The following CUBN variants were observed in gnomAD, a reference collection of about 807,000 sequenced individuals.
The protein encoded by CUBN is 460 kDa receptor.
CUBN carries 282 observed loss-of-function variants against 405.3 expected under a neutral mutation model. That is an observed-to-expected ratio of 0.70 (90% CI 0.63 to 0.77). The LOEUF (loss-of-function observed/expected upper bound fraction) is 0.77, where lower values mean the gene tolerates loss of function less well. CUBN is among the 30% of genes least tolerant of loss of function. The pLI is 0.00. For missense variants in CUBN, 4,514 were observed against 4,475.2 expected (o/e 1.01, Z -0.25); for synonymous variants, 1,684 against 1,617.0 (o/e 1.04, Z -0.99).
chr10:17,098,080 C>T (rs1201758173), intron 14 of CUBN, among the ~76,000 whole-genome samples: 2 of 152,122 alleles, frequency 1.3e-5, no homozygotes, highest in East Asian at 1.9e-4. Context: ...CCAATTGCCA[C>T]GAAGAAAGTT....
At chr10:16,894,887 T>C (rs1841135647) in intron 54 of CUBN, among the ~76,000 whole-genome samples, 1 of 152,178 alleles carries the variant, frequency 6.6e-6, no homozygotes, top group South Asian at 2.1e-4. Flanking sequence ...AGCACTCAGA[T>C]CCTGCACATA....
chr10:16,947,234 C>G lies in CUBN; in HGVS notation c.5342+1G>C. 1.2e-6 allele frequency: 2 copies of G among 1,614,010 alleles called. No homozygotes were observed. Among genetic ancestry groups the G allele is most frequent in the Non-Finnish European group, 1.7e-6 (2 of 1,179,894 alleles). On this transcript the variant is annotated splice_donor_variant, in intron 36 of 66. Coordinates refer to ENST00000377833, the MANE Select transcript of CUBN (RefSeq NM_001081.4). LOFTEE classifies it high-confidence loss of function. Reference sequence around the variant, plus strand: ...ACAATACACCATAAAAAAGGATTTACATAAAAGACAGCTGGAGCCGGTTGC... The same window carrying G: ...ACAATACACCATAAAAAAGGATTTAGATAAAAGACAGCTGGAGCCGGTTGC...
chr10:16,874,382 G>A lies in CUBN; in HGVS notation c.9228C>T (p.Ile3076=), dbSNP rs976401499. The change falls in exon 58 of 67, where the codon ATC becomes ATT. Residue 3076 remains isoleucine (I), a synonymous_variant. Transcript: ENST00000377833. The part of the protein sequence containing the change: ...YTITVSDDKV[I]ELKFSDFDVV... ...CAATTTGTCTTACGTACTTGAGCTC[G>A]ATCACCTTGTCGTCACTAACGGTGA... The A allele has an allele frequency of 8.1e-6, 13 of 1,613,936 alleles. No homozygotes were observed. The highest frequency in any genetic ancestry group is 1.1e-5 in the South Asian group (1 of 91,056).
At chr10:17,059,894 C>T (rs1257138071) in intron 22 of CUBN, among the ~76,000 whole-genome samples, 1 of 152,188 alleles carries the variant, frequency 6.6e-6, no homozygotes, top group Non-Finnish European at 1.5e-5. Flanking sequence ...TGGTCCTTTA[C>T]AACTCTAATG....
intron 29 of CUBN, among the ~76,000 whole-genome samples, chr10:16,985,574 G>A (rs1219506902): frequency 6.6e-6 from 1 of 152,192 alleles, no homozygotes; most frequent in Non-Finnish European, 1.5e-5. Context: ...TCTGTGGATG[G>A]CAGAGCTAAA....
intron 60 of CUBN, 91 bp from the exon 61 acceptor site, chr10:16,841,138 G>A (rs1401111361): frequency 5.7e-6 from 6 of 1,060,278 alleles, no homozygotes; most frequent in Middle Eastern, 2.3e-4. Context: ...AATAGGTCAC[G>A]GTAAACATTT....
chr10:16,866,273 TG>T (rs1487642058), intron 59 of CUBN, among the ~76,000 whole-genome samples: 1 of 152,172 alleles, frequency 6.6e-6, no homozygotes, highest in Non-Finnish European at 1.5e-5. Flanking sequence ...AAGTTTGATG[TG>T]TAGTGTGACA....
At chr10:17,088,096 T>C (rs1836164453) in intron 15 of CUBN, 68 bp downstream of exon 15, 1 of 1,289,166 alleles carries the variant, frequency 7.8e-7, no homozygotes, top group Non-Finnish European at 1.1e-6. Context: ...TCCATGGGCA[T>C]GGCTAGACCA....
rs188513647 is a variant in CUBN at position 16,850,624 on chromosome 10, G to A, written c.9663+611C>T. 2.3e-3 allele frequency among the ~76,000 whole-genome samples: 354 copies of A among 152,060 alleles called. 4 individuals are homozygous for A. The highest frequency in any genetic ancestry group is 8.1e-3 in the African/African-American group (334 of 41,482). On this transcript the variant is annotated intron_variant, in intron 60 of 66. Transcript: ENST00000377833. ...GCAGCTGGGACTACAGGCGCCCGCC[G>A]CCACACCCGGCTAATTTTTTGTGTC...
At chr10:16,948,443 T>C in intron 35 of CUBN, 35 bp downstream of exon 35, 1 of 1,612,806 alleles carries the variant, frequency 6.2e-7, no homozygotes, top group African/African-American at 1.3e-5. Context: ...CCACATCCCT[T>C]TTAACCGCTA....
At chr10:16,945,202 C>CAAA (rs142713817) in intron 36 of CUBN, among the ~76,000 whole-genome samples, 2 of 145,768 alleles carry the variant, frequency 1.4e-5, no homozygotes, top group Non-Finnish European at 3.0e-5. Context: ...AGGAAAAGAC[C>CAAA]AAAAAAAAAA....
chr10:17,039,139 T>TGGCTTTCTCC (rs942315110), intron 27 of CUBN, among the ~76,000 whole-genome samples: 3 of 152,178 alleles, frequency 2.0e-5, no homozygotes. Context: ...CTCCTTTCTG[T>TGGCTTTCTCC]GGCTTTCTCC....
At chr10:16,886,622 T>C (rs957549017) in intron 56 of CUBN, among the ~76,000 whole-genome samples, 1 of 152,140 alleles carries the variant, frequency 6.6e-6, no homozygotes, top group African/African-American at 2.4e-5. Context: ...TCTCTACTGT[T>C]CCCTCTGCCA....
chr10:17,115,477 A>T lies in CUBN; in HGVS notation c.714T>A (p.Ala238=). ...GICEDLMREQ[A]GEPKYSCVCD... ...ATTTGGGGAAGGGACCCACCTCTCC[A>T]GCTTGCTCTCGCATTAAATCCTCAC... The change falls in exon 7 of 67, where the codon GCT becomes GCA. Residue 238 remains alanine, a synonymous_variant. Coordinates refer to ENST00000377833, the MANE Select transcript of CUBN (RefSeq NM_001081.4). The T allele has an allele frequency of 1.9e-6, 3 of 1,613,966 alleles. No individual in the cohort carries two copies. Among genetic ancestry groups the T allele is most frequent in the Non-Finnish European group, 2.5e-6 (3 of 1,179,954 alleles).
intron 54 of CUBN, among the ~76,000 whole-genome samples, chr10:16,893,124 T>C (rs922768027): frequency 6.6e-6 from 1 of 152,224 alleles, no homozygotes. Flanking sequence ...TGTCATCAGG[T>C]CAAAAACTTT....
chr10:17,066,992 G>A (rs1482984144), intron 21 of CUBN, among the ~76,000 whole-genome samples: 1 of 152,106 alleles, frequency 6.6e-6, no homozygotes, highest in African/African-American at 2.4e-5. Flanking sequence ...AGGCAAAACT[G>A]AAATGGATCA....
At chr10:16,910,061 CT>C (rs1281221503) in intron 48 of CUBN, among the ~76,000 whole-genome samples, 1 of 152,060 alleles carries the variant, frequency 6.6e-6, no homozygotes, top group Non-Finnish European at 1.5e-5. Context: ...TTTCTTTCAT[CT>C]TTTACTTCTT....
Position 17,085,617 on chromosome 10 carries a change from A to G in CUBN, c.2090T>C (p.Ile697Thr). 1.2e-6 allele frequency: 2 copies of G among 1,614,168 alleles called. No homozygotes were observed. Among genetic ancestry groups the G allele is most frequent in the Non-Finnish European group, 1.7e-6 (2 of 1,180,006 alleles). ...CTTACAAGGTGATGTTAAGTAGGTG[A>G]TATGGAAGCCTTGGTCACTAATCTG... ...DSQISDQGFH[I>T]TYLTSPSDLR... Residue 697 changes from isoleucine to threonine, a missense_variant, in exon 16 of 67, where the codon ATC (isoleucine) becomes ACC (threonine). Coordinates refer to ENST00000377833, the MANE Select transcript of CUBN (RefSeq NM_001081.4).
chr10:17,023,330 A>G (rs1279816750), intron 27 of CUBN, among the ~76,000 whole-genome samples: 1 of 152,108 alleles, frequency 6.6e-6, no homozygotes, highest in Non-Finnish European at 1.5e-5. Context: ...AAATGCTTAA[A>G]TATAATGTCC....
Sources: gnomAD v4.1 joint callset for allele counts (sites outside exome capture counted in the v4.1 genomes callset) on GRCh38, gnomAD v4.1.1 for gene constraint, MANE v1.5 for transcripts, NCBI Gene and HGNC (gene_info 2026-07-23, HGNC 2026-07-21) for gene names.